Variants in WDR64 observed in about 807,000 individuals in gnomAD.
The protein encoded by WDR64 is WD repeat-containing protein 64.
Under a neutral mutation model 139.3 loss-of-function variants are expected in WDR64, and 112 were observed. The observed-to-expected ratio is 0.80, with a 90% CI of 0.69 to 0.94. WDR64 has a LOEUF of 0.94. Among genes scored for constraint, WDR64 ranks in the 40% least tolerant of loss-of-function variants. The probability of loss-of-function intolerance (pLI) is 0.00; values close to 1 mark genes in which losing one functional copy is unlikely to be tolerated. For missense variants in WDR64, 1,206 were observed against 1,293.1 expected, an observed-to-expected ratio of 0.93 and a Z score of 1.03; for synonymous variants, 444 against 437.7, an observed-to-expected ratio of 1.01 and a Z score of -0.18.
chr1:241,758,478 T>C (rs546948580), intron 15 of WDR64, among the ~76,000 whole-genome samples: 21 of 152,294 alleles, frequency 1.4e-4, no homozygotes, highest in African/African-American at 4.8e-4. Flanking sequence ...ACAGTTTATA[T>C]AGAAAAGCAA....
rs1338369958 is a variant in WDR64, at chr1:241,662,632, G to A, written c.276+1972G>A. On this transcript the variant is annotated intron_variant, in intron 2 of 27. Coordinates refer to ENST00000437684, the MANE Select transcript of WDR64 (RefSeq NM_001367482.1). Reference sequence around the variant, plus strand: ...ATTTGTCATATTCTCTTAGTTAGAAGTAAGTCACAGTTTCCACCATATTTA... The same window carrying A: ...ATTTGTCATATTCTCTTAGTTAGAAATAAGTCACAGTTTCCACCATATTTA... Among the ~76,000 whole-genome samples, 4 of 152,158 alleles carry A rather than the reference G, an allele frequency of 2.6e-5. No individual in the cohort carries two copies. The East Asian group carries it at 5.8e-4, about 22-fold the overall frequency.
At chr1:241,696,711 A>G (rs1214076943) in intron 8 of WDR64, among the ~76,000 whole-genome samples, 2 of 152,060 alleles carry the variant, frequency 1.3e-5, no homozygotes, top group South Asian at 2.1e-4. Flanking sequence ...ATTTGCGTAT[A>G]ATGAGCAGTG....
chr1:241,752,994 T>C (rs1002898418), intron 14 of WDR64, among the ~76,000 whole-genome samples: 7 of 152,180 alleles, frequency 4.6e-5, no homozygotes, highest in African/African-American at 1.7e-4. Flanking sequence ...TATCCCACAA[T>C]GGCACAAACT....
chr1:241,738,641 C>T, intron 11 of WDR64, 152 bp downstream of exon 11: 1 of 798,302 alleles, frequency 1.3e-6, no homozygotes, highest in Non-Finnish European at 1.9e-6. Context: ...TAATTCAATT[C>T]TGCTCTTTCC....
At chr1:241,792,956 C>A (rs1659250717) in intron 25 of WDR64, among the ~76,000 whole-genome samples, 3 of 152,134 alleles carry the variant, frequency 2.0e-5, no homozygotes, top group Non-Finnish European at 4.4e-5. Flanking sequence ...TTTGCAATAG[C>A]AAATCCCTGA....
chr1:241,701,011 G>A (rs184957433), intron 8 of WDR64, among the ~76,000 whole-genome samples: 98 of 152,244 alleles, frequency 6.4e-4, no homozygotes, highest in Admixed American at 1.8e-3. Flanking sequence ...CATTCCCTTT[G>A]TTCAAGCATT....
intron 13 of WDR64, among the ~76,000 whole-genome samples, chr1:241,746,711 T>G (rs1190406082): frequency 6.6e-6 from 1 of 151,158 alleles, no homozygotes; most frequent in Non-Finnish European, 1.5e-5. Context: ...TGAAAGGCAC[T>G]AACAAAAGAC....
chr1:241,765,469 AAAAAG>A (rs1386489080), intron 15 of WDR64, among the ~76,000 whole-genome samples: 1 of 152,196 alleles, frequency 6.6e-6, no homozygotes, highest in African/African-American at 2.4e-5. Context: ...TAGGAAACAG[AAAAAG>A]AAAAGTCGCA....
chr1:241,707,820 G>T (rs1225626968), intron 8 of WDR64, among the ~76,000 whole-genome samples: 1 of 152,224 alleles, frequency 6.6e-6, no homozygotes. Flanking sequence ...TTAGGTCATA[G>T]TCAACCCTTG....
chr1:241,730,997 T>G (rs972905651), intron 10 of WDR64, among the ~76,000 whole-genome samples: 1 of 152,156 alleles, frequency 6.6e-6, no homozygotes, highest in Non-Finnish European at 1.5e-5. Context: ...ACTCAAAATA[T>G]TCACAACCTT....
chr1:241,742,704 T>C (rs1002984770), intron 12 of WDR64, among the ~76,000 whole-genome samples: 7 of 152,216 alleles, frequency 4.6e-5, no homozygotes, highest in African/African-American at 1.7e-4. Context: ...CTTTCCTTTC[T>C]TCATAAACTT....
At chr1:241,714,833 C>A (rs1357010151) in intron 9 of WDR64, among the ~76,000 whole-genome samples, 1 of 152,162 alleles carries the variant, frequency 6.6e-6, no homozygotes, top group East Asian at 1.9e-4. Context: ...TAATTGCTCC[C>A]TTTTGCTCAT....
At chr1:241,673,161 G>A (rs1237155091) in intron 3 of WDR64, among the ~76,000 whole-genome samples, 1 of 147,810 alleles carries the variant, frequency 6.8e-6, no homozygotes, top group African/African-American at 2.5e-5. Flanking sequence ...CACAGGAAGG[G>A]GAACATCACA....
At chr1:241,653,143 C>T (rs111999689) in intron 1 of WDR64, among the ~76,000 whole-genome samples, 1 of 152,226 alleles carries the variant, frequency 6.6e-6, no homozygotes, top group Non-Finnish European at 1.5e-5. Flanking sequence ...AGTGGTCTTA[C>T]AGGAGGATTT....
chr1:241,780,083 CTTTAA>C (rs747936753), intron 22 of WDR64, 21 bp downstream of exon 22: 10 of 1,578,412 alleles, frequency 6.3e-6, no homozygotes, highest in South Asian at 1.2e-5. Flanking sequence ...CAGTTTTCCA[CTTTAA>C]TTTATGAGTC....
intron 9 of WDR64, among the ~76,000 whole-genome samples, chr1:241,715,256 C>T (rs1668359534): frequency 6.6e-6 from 1 of 152,136 alleles, no homozygotes; most frequent in African/African-American, 2.4e-5. Flanking sequence ...TTAAAGATCT[C>T]CATACTGAAG....
At chr1:241,778,754 A>G (rs1433069471) in intron 21 of WDR64, among the ~76,000 whole-genome samples, 1 of 152,118 alleles carries the variant, frequency 6.6e-6, no homozygotes, top group African/African-American at 2.4e-5. Flanking sequence ...TTTTCAAGTA[A>G]TATTATGCCA....
chr1:241,773,771 C>T (rs1280699408), intron 20 of WDR64, among the ~76,000 whole-genome samples: 1 of 152,124 alleles, frequency 6.6e-6, no homozygotes, highest in Non-Finnish European at 1.5e-5. Context: ...CGACCGAGGG[C>T]ATTAGTTTTG....
chr1:241,654,560 C>CA (rs534230457), intron 1 of WDR64, among the ~76,000 whole-genome samples: 153 of 152,274 alleles, frequency 1.0e-3, no homozygotes, highest in African/African-American at 3.5e-3. Context: ...TTTCCCATCT[C>CA]AATTCTTTCT....
Sources: gnomAD v4.1 joint callset for allele counts (sites outside exome capture counted in the v4.1 genomes callset) on GRCh38, gnomAD v4.1.1 for gene constraint, MANE v1.5 for transcripts, NCBI Gene and HGNC (gene_info 2026-07-23, HGNC 2026-07-21) for gene names.